The following CHRDL1 variants were observed in gnomAD, a reference collection of about 807,000 sequenced individuals.
The protein encoded by CHRDL1 is chordin like 1, also known as chordin-like protein 1.
A neutral mutation model predicts 40.9 loss-of-function variants in CHRDL1; 19 were observed. The ratio of observed to expected loss-of-function variants is 0.46; its 90% CI spans 0.32 to 0.68. The LOEUF (loss-of-function observed/expected upper bound fraction) is 0.68. Among genes scored for constraint, CHRDL1 ranks in the 30% least tolerant of loss-of-function variants. The probability of loss-of-function intolerance (pLI) is 0.03; values close to 1 mark genes in which losing one functional copy is unlikely to be tolerated. For missense variants in CHRDL1, 329 were observed against 352.1 expected (o/e 0.93, Z 0.53); for synonymous variants, 136 against 123.4 (o/e 1.10, Z -0.68).
At chrX:110,682,275 T>C (rs1335384860) in intron 9 of CHRDL1, among the ~76,000 whole-genome samples, 1 of 112,328 alleles carries the variant, frequency 8.9e-6, no homozygotes, top group Non-Finnish European at 1.9e-5. Flanking sequence ...AAAATCTAGA[T>C]GTCAGATTAG....
chrX:110,751,459 A>T (rs778185455), intron 4 of CHRDL1, among the ~76,000 whole-genome samples: 2 of 112,250 alleles, frequency 1.8e-5, no homozygotes, highest in African/African-American at 6.5e-5. Context: ...TCTCTGGTAG[A>T]TTCATAATGG....
At chrX:110,689,931 C>A (rs868011734) in intron 8 of CHRDL1, among the ~76,000 whole-genome samples, 397 of 10,926 alleles carry the variant, frequency 0.036, 63 homozygotes, top group African/African-American at 0.096. Context: ...ATCTATATAT[C>A]TATATATATC....
At chrX:110,695,354 C>T (rs1280402983) in intron 7 of CHRDL1, among the ~76,000 whole-genome samples, 1 of 111,675 alleles carries the variant, frequency 9.0e-6, no homozygotes, top group Non-Finnish European at 1.9e-5. Flanking sequence ...TCATCAAATA[C>T]TTGTTGAGTG....
intron 11 of CHRDL1, among the ~76,000 whole-genome samples, chrX:110,679,104 C>T (rs769258799): frequency 2.2e-4 from 25 of 111,411 alleles, no homozygotes; most frequent in Admixed American, 8.6e-4. Flanking sequence ...CCTGAGGTAT[C>T]CTATGCTCAG....
chrX:110,792,218 G>T lies in CHRDL1; in HGVS notation c.-34-3C>A. The T allele has an allele frequency of 1.2e-6, 1 of 869,167 alleles. No individual in the cohort carries two copies. Among genetic ancestry groups the T allele is most frequent in the Non-Finnish European group, 1.7e-6 (1 of 600,417 alleles). The allele number at this position is 869,167 out of a possible 1,213,427, so 71.6% of individuals were successfully genotyped here. ...CAAAAGGTGACAGAACCTTCAAGCT[G>T]TTGGGAAGAAAGCAGAAAAAAGACT... On this transcript the variant is annotated splice_region_variant and splice_polypyrimidine_tract_variant and intron_variant, in intron 1 of 11. Coordinates refer to ENST00000372042, the MANE Select transcript of CHRDL1 (RefSeq NM_001143981.2).
chrX:110,717,814 G>A lies in CHRDL1; in HGVS notation c.541+2021C>T, dbSNP rs1004709876. On this transcript the variant is annotated intron_variant, in intron 6 of 11. Transcript: ENST00000372042. ...TTTGGAAGATTAAAATGGCAGTAATGTATAGAAGTCACCTACACATCCCCC... is the reference window on the plus strand; with the variant it reads ...TTTGGAAGATTAAAATGGCAGTAATATATAGAAGTCACCTACACATCCCCC... Among the ~76,000 whole-genome samples, 3 of 111,764 alleles carry A rather than the reference G, an allele frequency of 2.7e-5. No homozygotes were observed. In the East Asian group the frequency reaches 8.4e-4, roughly 31 times the overall value.
At chrX:110,728,244 C>CA (rs200010934) in intron 4 of CHRDL1, among the ~76,000 whole-genome samples, 12,390 of 109,861 alleles carry the variant, frequency 0.11, 1,703 homozygotes, top group African/African-American at 0.39. Context: ...GAGTGTGGGA[C>CA]GGGGTGAATA....
At chrX:110,745,329 A>G (rs2071432720) in intron 4 of CHRDL1, among the ~76,000 whole-genome samples, 1 of 111,376 alleles carries the variant, frequency 9.0e-6, no homozygotes, top group Non-Finnish European at 1.9e-5. Context: ...ACTAAAGACA[A>G]ACTGCACCTC....
chrX:110,772,808 T>C (rs2089781418), intron 2 of CHRDL1, among the ~76,000 whole-genome samples: 2 of 112,766 alleles, frequency 1.8e-5, no homozygotes, highest in African/African-American at 6.4e-5. Flanking sequence ...GGGATAGTAC[T>C]TTCAACAAAT....
chrX:110,742,565 G>C (rs1041501174), intron 4 of CHRDL1, among the ~76,000 whole-genome samples: 6 of 112,643 alleles, frequency 5.3e-5, no homozygotes, highest in Non-Finnish European at 9.4e-5. Flanking sequence ...GGCAGATGAG[G>C]AGATAAATGT....
intron 2 of CHRDL1, among the ~76,000 whole-genome samples, chrX:110,771,946 T>C (rs933090866): frequency 7.1e-5 from 8 of 111,980 alleles, no homozygotes; most frequent in Admixed American, 5.7e-4. Flanking sequence ...AGAGAATTTA[T>C]AAATCATATT....
chrX:110,707,948 G>GA (rs1434396663), intron 6 of CHRDL1, among the ~76,000 whole-genome samples: 50 of 108,820 alleles, frequency 4.6e-4, no homozygotes, highest in Middle Eastern at 4.6e-3. Context: ...AAATTTACAA[G>GA]AAAAAAAAAC....
chrX:110,738,748 A>G (rs779646911), intron 4 of CHRDL1, among the ~76,000 whole-genome samples: 2 of 110,380 alleles, frequency 1.8e-5, no homozygotes, highest in East Asian at 5.7e-4. Context: ...TCAAAAAAAA[A>G]AAAAAACAAT....
intron 4 of CHRDL1, among the ~76,000 whole-genome samples, chrX:110,743,247 T>C (rs990386076): frequency 1.8e-5 from 2 of 112,572 alleles, no homozygotes; most frequent in African/African-American, 6.5e-5. Flanking sequence ...GAACTTCCCT[T>C]CCATGCCTCC....
intron 4 of CHRDL1, among the ~76,000 whole-genome samples, chrX:110,728,968 C>T (rs1057457326): frequency 8.9e-6 from 1 of 111,780 alleles, no homozygotes; most frequent in African/African-American, 3.3e-5. Flanking sequence ...AACCCCGTTT[C>T]TACAAAAAAT....
At chrX:110,691,844 C>T (rs1159910161) in intron 8 of CHRDL1, among the ~76,000 whole-genome samples, 1 of 110,961 alleles carries the variant, frequency 9.0e-6, no homozygotes, top group African/African-American at 3.3e-5. Context: ...GGAGAGCTGA[C>T]ACCTCAACTG....
chrX:110,676,397 T>G, intron 11 of CHRDL1, 36 bp from the exon 12 acceptor site: 1 of 1,198,797 alleles, frequency 8.3e-7, no homozygotes, highest in Non-Finnish European at 1.1e-6. Flanking sequence ...GCCGGGAGTG[T>G]GTAAGAGGAA....
chrX:110,758,574 T>C (rs2089501152), intron 4 of CHRDL1, among the ~76,000 whole-genome samples: 1 of 110,988 alleles, frequency 9.0e-6, no homozygotes. Context: ...GTTGACTGGG[T>C]TTTCATTGAA....
chrX:110,757,677 A>C (rs1472409717), intron 4 of CHRDL1, among the ~76,000 whole-genome samples: 1 of 111,996 alleles, frequency 8.9e-6, no homozygotes, highest in African/African-American at 3.2e-5. Flanking sequence ...AGTGAGCTGC[A>C]AGAGCAAGAA....
Sources: allele counts gnomAD v4.1 joint callset (sites outside exome capture counted in the v4.1 genomes callset), GRCh38; gene constraint gnomAD v4.1.1; transcripts MANE v1.5; gene names NCBI Gene and HGNC (gene_info 2026-07-23, HGNC 2026-07-21).